FAM20C: variants seen among roughly 807,000 people sequenced by gnomAD.
The protein encoded by FAM20C is FAM20C golgi associated secretory pathway kinase, also known as extracellular serine/threonine protein kinase FAM20C.
A neutral mutation model predicts 51.5 loss-of-function variants in FAM20C; 40 were observed. The observed-to-expected ratio is 0.78, with a 90% confidence interval of 0.60 to 1.01. FAM20C has a LOEUF of 1.01. Ranked by LOEUF, FAM20C falls within the 50% of genes least tolerant of loss-of-function variation. The pLI, the probability that FAM20C is intolerant of heterozygous loss-of-function variation, is 0.00. For missense variants in FAM20C, 861 were observed against 844.7 expected, an observed-to-expected ratio of 1.02 and a Z score of -0.24; for synonymous variants, 406 against 380.6, an observed-to-expected ratio of 1.07 and a Z score of -0.78.
At chr7:195,445 C>T (rs1352150714) in intron 1 of FAM20C, 109 bp from the exon 2 acceptor site, 2 of 1,149,572 alleles carry the variant, frequency 1.7e-6, no homozygotes, top group African/African-American at 3.2e-5. Flanking sequence ...CACATCTGCA[C>T]TTGCTTGAAC....
intron 3 of FAM20C, among the ~76,000 whole-genome samples, chr7:236,752 G>A (rs1415514998): frequency 6.7e-6 from 1 of 148,952 alleles, no homozygotes; most frequent in African/African-American, 2.6e-5. Flanking sequence ...CCCGGTGGCT[G>A]TCGGGGTTTC....
chr7:220,326 G>A (rs55712175), intron 3 of FAM20C, among the ~76,000 whole-genome samples: 33,893 of 152,162 alleles, frequency 0.22, 4,464 homozygotes, highest in Admixed American at 0.33. Context: ...CAGCAGAGTC[G>A]CTGGGCCCAC....
intron 2 of FAM20C, among the ~76,000 whole-genome samples, chr7:199,232 A>G (rs943553113): frequency 1.7e-4 from 26 of 152,238 alleles, no homozygotes; most frequent in African/African-American, 6.0e-4. Context: ...ATCTGGGTGA[A>G]GACCCAGCTG....
intron 2 of FAM20C, chr7:197,256 G>A (rs940186457): frequency 6.0e-5 from 10 of 167,016 alleles, no homozygotes; most frequent in Non-Finnish European, 2.9e-5. Flanking sequence ...AGACACACAC[G>A]CACAGTGCCC....
At position 241,750 on chromosome 7, in the gene FAM20C, AGTGT is replaced by A. The variant is rs1787953242; in HGVS notation, c.864-4663_864-4660del. Among the ~76,000 whole-genome samples, 15 of 148,652 alleles carry A rather than the reference AGTGT, an allele frequency of 1.0e-4. No homozygotes were observed. The South Asian group carries it at 1.3e-3, about 13-fold the overall frequency. ...GTGAGCGCCCGTGTGTGTGTTTCTG[AGTGT>A]GCAGGTGGGTGTGTGTGCATGAGCG... On this transcript the variant is annotated intron_variant, in intron 3 of 9. Transcript: ENST00000313766.
intron 2 of FAM20C, among the ~76,000 whole-genome samples, chr7:201,165 C>T (rs567262243): frequency 7.2e-5 from 11 of 152,294 alleles, no homozygotes; most frequent in Admixed American, 5.9e-4. Flanking sequence ...TGTCCCCATT[C>T]GTCTTCAGGA....
rs1271352329 is a variant in FAM20C at position 246,584 on chromosome 7, G to A, written c.956+77G>A. On this transcript the variant is annotated intron_variant, in intron 4 of 9. Coordinates refer to ENST00000313766, the MANE Select transcript of FAM20C (RefSeq NM_020223.4). ...CGGTGAGTGAGGCCGTCCTGCACTG[G>A]ACACAGCAGGACGTCATCGTCACCT... 1.1e-5 allele frequency: 6 copies of A among 563,706 alleles called. 1 individual carries two copies. In the African/African-American group the frequency reaches 2.6e-4, roughly 25 times the overall value. 34.9% of individuals were successfully genotyped at this position (563,706 alleles called of 1,614,324 possible).
chr7:211,109 C>T (rs566137036), intron 3 of FAM20C, among the ~76,000 whole-genome samples: 2 of 150,206 alleles, frequency 1.3e-5, no homozygotes, highest in Admixed American at 1.3e-4. Context: ...CCTCCGCCTC[C>T]CCCAGCCTTC....
chr7:249,571 G>A (rs139931311), intron 5 of FAM20C, among the ~76,000 whole-genome samples: 1 of 152,134 alleles, frequency 6.6e-6, no homozygotes, highest in Non-Finnish European at 1.5e-5. Flanking sequence ...TGAGACCCCT[G>A]TCTACAGGAA....
In FAM20C at chr7:228,577, C is replaced by T. The variant is rs749831337; in HGVS notation, c.864-17838C>T. The T allele has an allele frequency of 3.7e-5, 17 of 456,124 alleles. 1 individual carries two copies. Among genetic ancestry groups the T allele is most frequent in the South Asian group, 2.6e-4 (17 of 64,576 alleles). The allele number at this position is 456,124 out of a possible 1,614,324, so 28.3% of individuals were successfully genotyped here. ...AGACGCCCGCTGCCTACACCCCCAG[C>T]TCTCCTCTGAGGGCAGCGTTTCCAC... On this transcript the variant is annotated intron_variant, in intron 3 of 9. Coordinates refer to ENST00000313766, the MANE Select transcript of FAM20C (RefSeq NM_020223.4).
At chr7:251,205 G>C (rs373056496) in intron 5 of FAM20C, among the ~76,000 whole-genome samples, 8,952 of 59,092 alleles carry the variant, frequency 0.15, 220 homozygotes, top group Non-Finnish European at 0.19. Context: ...GCGGCTCACG[G>C]CTGCACTGAG....
At chr7:240,630 C>A (rs1020133158) in intron 3 of FAM20C, among the ~76,000 whole-genome samples, 9 of 152,148 alleles carry the variant, frequency 5.9e-5, no homozygotes, top group African/African-American at 2.2e-4. Flanking sequence ...CTGGACAATT[C>A]TTTGACTGAG....
At chr7:207,891 G>C (rs1786510842) in intron 2 of FAM20C, among the ~76,000 whole-genome samples, 1 of 152,324 alleles carries the variant, frequency 6.6e-6, no homozygotes, top group Non-Finnish European at 1.5e-5. Flanking sequence ...CCAGCAAAAA[G>C]GAAATCCCGA....
intron 3 of FAM20C, among the ~76,000 whole-genome samples, chr7:232,136 G>A (rs1464570681): frequency 6.6e-6 from 1 of 152,236 alleles, no homozygotes; most frequent in Non-Finnish European, 1.5e-5. Context: ...CTGGGTAGCA[G>A]CGGGAGCAAG....
Position 193,563 on chromosome 7 carries a change from C to T in FAM20C, c.364C>T (p.Arg122Trp). ...GGCCGAGCCGGCCGAGCGCGCCTTGCGGGGGCGGGATCCCGGCGCCCTAAG... is the reference window on the plus strand; with the variant it reads ...GGCCGAGCCGGCCGAGCGCGCCTTGTGGGGGCGGGATCCCGGCGCCCTAAG... ...PAAEPAERAL[R>W]GRDPGALRPH... Residue 122 changes from arginine (R) to tryptophan (W), a missense_variant, in exon 1 of 10, where the codon CGG (arginine) becomes TGG (tryptophan). Transcript: ENST00000313766. The T allele has an allele frequency of 6.7e-7, 1 of 1,497,300 alleles. No individual in the cohort carries two copies. The allele number at this position is 1,497,300 out of a possible 1,614,324, so 92.8% of individuals were successfully genotyped here.
Position 193,152 on chromosome 7 carries a change from G to T in FAM20C, c.-48G>T. 2.1e-6 allele frequency: 3 copies of T among 1,417,264 alleles called. No homozygotes were observed. The highest frequency in any genetic ancestry group is 2.5e-5 in the South Asian group (2 of 79,154). The allele number at this position is 1,417,264 out of a possible 1,614,324, so 87.8% of individuals were successfully genotyped here. ...CGCTCGTGCCCAGCTGCAGCTAGAGGGGCGCGCGGGCAGAACGCGCTCCAG... is the reference window on the plus strand; with the variant it reads ...CGCTCGTGCCCAGCTGCAGCTAGAGTGGCGCGCGGGCAGAACGCGCTCCAG... On this transcript the variant is annotated 5_prime_UTR_variant, in exon 1 of 10. Coordinates refer to ENST00000313766, the MANE Select transcript of FAM20C (RefSeq NM_020223.4).
chr7:217,446 C>T (rs1376230335), intron 3 of FAM20C, among the ~76,000 whole-genome samples: 2 of 5,004 alleles, frequency 4.0e-4, no homozygotes, highest in Admixed American at 1.5e-3. Flanking sequence ...GTTTGTGCAT[C>T]AAGGGGGTAA....
At chr7:244,703 A>AAG (rs1788079713) in intron 3 of FAM20C, among the ~76,000 whole-genome samples, 2 of 152,208 alleles carry the variant, frequency 1.3e-5, no homozygotes, top group African/African-American at 4.8e-5. Context: ...AGCAAATGTG[A>AAG]CCTTCAGGCG....
chr7:206,957 G>T (rs371704373), intron 2 of FAM20C, among the ~76,000 whole-genome samples: 19 of 35,260 alleles, frequency 5.4e-4, no homozygotes, highest in Admixed American at 1.6e-3. Flanking sequence ...CGTCGGTCAC[G>T]GCCCCCTCGG....
Sources: gnomAD v4.1 joint callset for allele counts (sites outside exome capture counted in the v4.1 genomes callset) on GRCh38, gnomAD v4.1.1 for gene constraint, MANE v1.5 for transcripts, NCBI Gene and HGNC (gene_info 2026-07-23, HGNC 2026-07-21) for gene names.